CDON: variants seen among roughly 807,000 people sequenced by gnomAD.
CDON encodes the protein cell adhesion molecule-related/down-regulated by oncogenes.
Under a neutral mutation model 120.9 loss-of-function variants are expected in CDON, and 73 were observed. The ratio of observed to expected loss-of-function variants is 0.60; its 90% CI spans 0.50 to 0.73. The LOEUF is 0.73. Ranked by LOEUF, CDON falls within the 30% of genes least tolerant of loss-of-function variation. The pLI, the probability that CDON is intolerant of heterozygous loss-of-function variation, is 0.00. For missense variants in CDON, 1,470 were observed against 1,587.3 expected (o/e 0.93, Z 1.26); for synonymous variants, 566 against 573.5 (o/e 0.99, Z 0.19).
chr11:126,047,219 T>C (rs569864812), intron 1 of CDON, among the ~76,000 whole-genome samples: 3 of 152,284 alleles, frequency 2.0e-5, no homozygotes, highest in South Asian at 2.1e-4. Context: ...AATGTTTACA[T>C]TGAGCTTCAG....
intron 1 of CDON, among the ~76,000 whole-genome samples, chr11:126,048,699 A>G (rs1948471204): frequency 6.8e-6 from 1 of 146,146 alleles, no homozygotes; most frequent in Admixed American, 6.8e-5. Context: ...TCAACAATTT[A>G]GTTATTTTTT....
chr11:126,005,625 C>T (rs1463378035), intron 9 of CDON, 134 bp downstream of exon 9: 9 of 816,034 alleles, frequency 1.1e-5, no homozygotes, highest in Non-Finnish European at 1.9e-5. Flanking sequence ...ACTGGGATCT[C>T]TCTGACAAAC....
In CDON at chr11:126,036,183, T is replaced by C. The variant is rs567147315; in HGVS notation, c.-61-12646A>G. Among the ~76,000 whole-genome samples, 5 of 152,376 alleles carry C rather than the reference T, an allele frequency of 3.3e-5. No homozygotes were observed. In the South Asian group the frequency reaches 1.0e-3, roughly 32 times the overall value. The stretch of plus-strand genomic sequence containing the variant: ...CAAAACATAATCCCTTATTAATTAT[T>C]TTTGGTATCAATGTATAAAGCAGGC... On this transcript the variant is annotated intron_variant, in intron 1 of 19. Coordinates refer to ENST00000531738, the MANE Select transcript of CDON (RefSeq NM_001378964.1).
At chr11:125,988,469 A>G (rs1021732836) in intron 15 of CDON, among the ~76,000 whole-genome samples, 4 of 152,112 alleles carry the variant, frequency 2.6e-5, no homozygotes, top group Non-Finnish European at 5.9e-5. Flanking sequence ...TCTACCTTCC[A>G]GGCTCAAGCG....
intron 6 of CDON, among the ~76,000 whole-genome samples, chr11:126,016,267 A>G (rs56706815): frequency 0.1 from 15,836 of 152,254 alleles, 861 homozygotes; most frequent in Admixed American, 0.13. Flanking sequence ...CATTTTCTGC[A>G]GCTACACATG....
chr11:125,992,082 T>C (rs1354263147), intron 14 of CDON, among the ~76,000 whole-genome samples: 2 of 152,158 alleles, frequency 1.3e-5, no homozygotes, highest in Non-Finnish European at 2.9e-5. Flanking sequence ...CAAAGACAGA[T>C]ACTCATTTTA....
chr11:126,046,602 C>A (rs1195581036), intron 1 of CDON, among the ~76,000 whole-genome samples: 2 of 152,132 alleles, frequency 1.3e-5, no homozygotes, highest in African/African-American at 4.8e-5. Context: ...TGAAAAAGGG[C>A]GACGGTGGCC....
At chr11:126,051,661 T>C (rs901626796) in intron 1 of CDON, among the ~76,000 whole-genome samples, 3 of 151,296 alleles carry the variant, frequency 2.0e-5, no homozygotes, top group African/African-American at 7.3e-5. Context: ...TCTTTTTTTT[T>C]TTTTTTCCAG....
intron 10 of CDON, 136 bp downstream of exon 10, chr11:126,003,766 G>A (rs573241169): frequency 4.1e-5 from 33 of 804,778 alleles, no homozygotes; most frequent in Middle Eastern, 6.9e-4. Context: ...GTTGCAGTGA[G>A]CTGAGATTGT....
chr11:126,010,651 T>C lies in CDON; in HGVS notation c.1242A>G (p.Ala414=). The change falls in exon 8 of 20, where the codon GCA becomes GCG. Residue 414 remains alanine (A), a synonymous_variant. Coordinates refer to ENST00000531738, the MANE Select transcript of CDON (RefSeq NM_001378964.1). ...KPVIITAPVS[A]KVADGDFVTL... ...TAACAAAGTCTCCGTCTGCAACCTT[T>C]GCACTTACTGGTGCCGTAATTATAA... The C allele has an allele frequency of 6.2e-7, 1 of 1,614,178 alleles. No individual in the cohort carries two copies. Among genetic ancestry groups the C allele is most frequent in the Non-Finnish European group, 8.5e-7 (1 of 1,180,006 alleles).
chr11:125,970,142 G>A (rs975650443), intron 18 of CDON, among the ~76,000 whole-genome samples: 3 of 150,856 alleles, frequency 2.0e-5, no homozygotes, highest in Non-Finnish European at 4.4e-5. Context: ...TTGAGACTTC[G>A]GAAATAGTTA....
chr11:125,982,606 A>C (rs562780886), intron 16 of CDON, among the ~76,000 whole-genome samples: 21 of 152,298 alleles, frequency 1.4e-4, no homozygotes, highest in African/African-American at 4.6e-4. Flanking sequence ...TTACATCTCC[A>C]CTGTCCAGAA....
At chr11:125,962,669 A>G (rs1945676889) in intron 18 of CDON, among the ~76,000 whole-genome samples, 1 of 152,110 alleles carries the variant, frequency 6.6e-6, no homozygotes, top group Admixed American at 6.6e-5. Context: ...TCTGTTCTTC[A>G]GACTGGACAA....
At chr11:125,969,971 T>G (rs934205577) in intron 18 of CDON, among the ~76,000 whole-genome samples, 2 of 152,206 alleles carry the variant, frequency 1.3e-5, no homozygotes, top group African/African-American at 4.8e-5. Context: ...CACTTCTGAT[T>G]ACACAGTTGA....
At chr11:125,994,110 G>T (rs1227987425) in intron 14 of CDON, among the ~76,000 whole-genome samples, 174 bp downstream of exon 14, 4 of 152,142 alleles carry the variant, frequency 2.6e-5, no homozygotes, top group African/African-American at 9.7e-5. Flanking sequence ...AGAATATAAG[G>T]TGCTGCATAT....
At chr11:126,014,191 C>T (rs1947389795) in intron 7 of CDON, among the ~76,000 whole-genome samples, 1 of 151,928 alleles carries the variant, frequency 6.6e-6, no homozygotes, top group Non-Finnish European at 1.5e-5. Context: ...CAATTGATTT[C>T]CCTAACAGAT....
At chr11:126,017,621 T>C (rs1947508515) in intron 5 of CDON, among the ~76,000 whole-genome samples, 1 of 152,124 alleles carries the variant, frequency 6.6e-6, no homozygotes, top group African/African-American at 2.4e-5. Context: ...CTATGCTCTA[T>C]TGGTGCTACC....
At position 125,994,966 on chromosome 11, in the gene CDON, C is replaced by T; in HGVS notation, c.2449G>A (p.Gly817Arg). 1.2e-6 allele frequency: 2 copies of T among 1,614,062 alleles called. No homozygotes were observed. The highest frequency in any genetic ancestry group is 1.7e-6 in the Non-Finnish European group (2 of 1,179,958). The change falls in exon 13 of 20, where the codon GGG becomes AGG. Residue 817 changes from glycine to arginine, a missense_variant. Coordinates refer to ENST00000531738, the MANE Select transcript of CDON (RefSeq NM_001378964.1). ...SSASRPYQVV[G>R]FPNRFSSRPI... The stretch of plus-strand genomic sequence containing the variant: ...CGGCTGGAAAAGCGATTGGGGAACC[C>T]AACCACTTGATAAGGACGAGATGCT...
chr11:126,035,933 G>C (rs979739534), intron 1 of CDON, among the ~76,000 whole-genome samples: 3 of 152,150 alleles, frequency 2.0e-5, no homozygotes, highest in African/African-American at 7.2e-5. Flanking sequence ...AAAGTTTGTT[G>C]GAACAACTCT....
Sources: allele counts gnomAD v4.1 joint callset (sites outside exome capture counted in the v4.1 genomes callset), GRCh38; gene constraint gnomAD v4.1.1; transcripts MANE v1.5; gene names NCBI Gene and HGNC (gene_info 2026-07-23, HGNC 2026-07-21).